Variants in KLHDC2 observed in about 807,000 individuals in gnomAD.
KLHDC2 encodes the protein kelch domain containing 2.
A neutral mutation model predicts 62.3 loss-of-function variants in KLHDC2; 38 were observed. That is an observed-to-expected ratio of 0.61 (90% confidence interval 0.47 to 0.80). The LOEUF (loss-of-function observed/expected upper bound fraction) is 0.80, where lower values mean the gene tolerates loss of function less well. Among genes scored for constraint, KLHDC2 ranks in the 30% least tolerant of loss-of-function variants. The pLI is 0.00. For missense variants in KLHDC2, 430 were observed against 495.3 expected, an observed-to-expected ratio of 0.87 and a Z score of 1.25; for synonymous variants, 159 against 161.0, an observed-to-expected ratio of 0.99 and a Z score of 0.09.
Position 49,779,772 on chromosome 14 carries a change from T to C in KLHDC2, c.739T>C (p.Tyr247His). The C allele has an allele frequency of 6.2e-7, 1 of 1,609,892 alleles. No individual in the cohort carries two copies. The highest frequency in any genetic ancestry group is 8.5e-7 in the Non-Finnish European group (1 of 1,177,180). The change falls in exon 8 of 13, where the codon TAT becomes CAT. Residue 247 changes from tyrosine to histidine, a missense_variant. Transcript: ENST00000298307. ...YRDARMNDLH[Y>H]LNLDTWEWNE... ...GGATGCTAGAATGAATGATCTTCAC[T>C]ATCTTAATCTGGATACATGGGAGTG...
chr14:49,783,766 A>C lies in KLHDC2; in HGVS notation c.*813A>C, dbSNP rs1890028268. Reference sequence around the variant, plus strand: ...TGAATCAGATTACAAGGAAAAAATTAAGATCAAACCTGAAGGTCTACAAAT... The same window carrying C: ...TGAATCAGATTACAAGGAAAAAATTCAGATCAAACCTGAAGGTCTACAAAT... On this transcript the variant is annotated 3_prime_UTR_variant, in exon 13 of 13. Transcript: ENST00000298307. The C allele has an allele frequency of 6.6e-6, 1 of 152,172 alleles. No homozygotes were observed. The highest frequency in any genetic ancestry group is 2.4e-5 in the African/African-American group (1 of 41,448). 9.4% of individuals were successfully genotyped at this position (152,172 alleles called of 1,614,324 possible).
intron 1 of KLHDC2, among the ~76,000 whole-genome samples, chr14:49,771,120 G>A (rs1021727174): frequency 3.9e-5 from 6 of 152,124 alleles, no homozygotes; most frequent in African/African-American, 1.2e-4. Flanking sequence ...AGGCTGAGGT[G>A]GGTGGATTGC....
At chr14:49,782,265 A>T in intron 10 of KLHDC2, 105 bp from the exon 11 acceptor site, 4 of 682,262 alleles carry the variant, frequency 5.9e-6, no homozygotes, top group Non-Finnish European at 1.0e-5. Flanking sequence ...TTTGGTCTGA[A>T]CTACCTTAAG....
At chr14:49,768,721 C>T (rs2139786208) in intron 1 of KLHDC2, 100 bp downstream of exon 1, 2 of 1,173,436 alleles carry the variant, frequency 1.7e-6, no homozygotes, top group East Asian at 3.0e-5. Context: ...CGAGGGCGCT[C>T]CCCGCCTGCG....
At chr14:49,778,125 A>G (rs1200101661) in intron 4 of KLHDC2, 53 bp from the exon 5 acceptor site, 1 of 1,229,902 alleles carries the variant, frequency 8.1e-7, no homozygotes, top group Non-Finnish European at 1.2e-6. Context: ...AACTGCTTGT[A>G]TCCTATCCTA....
At chr14:49,782,521 T>G in intron 11 of KLHDC2, 21 bp from the exon 12 acceptor site, 1 of 1,603,000 alleles carries the variant, frequency 6.2e-7, no homozygotes, top group Non-Finnish European at 8.5e-7. Flanking sequence ...TTTAAATGTG[T>G]TCTTCCTATT....
At chr14:49,769,575 A>G (rs1889618157) in intron 1 of KLHDC2, among the ~76,000 whole-genome samples, 1 of 152,162 alleles carries the variant, frequency 6.6e-6, no homozygotes, top group Non-Finnish European at 1.5e-5. Context: ...TTTAACTGCA[A>G]AAGTAATTTT....
Position 49,771,614 on chromosome 14 carries a change from A to G in KLHDC2, c.174A>G (p.Leu58=), listed in dbSNP as rs2139789869. 2 of 1,489,432 alleles carry G rather than the reference A, an allele frequency of 1.3e-6. No homozygotes were observed. The highest frequency in any genetic ancestry group is 2.3e-5 in the East Asian group (1 of 44,348). 92.3% of individuals were successfully genotyped at this position (1,489,432 alleles called of 1,614,324 possible). A position where few individuals can be genotyped will look rare whatever the true frequency, so the allele number is the denominator to read the frequency against. ...CTTAGAGTAATCAAGTCAGAGGATT[A>G]TATGACTTTTATCTGCCTAGAGAAG... ...GGYKSNQVRG[L]YDFYLPREEL... The change falls in exon 2 of 13, where the codon TTA becomes TTG. Residue 58 remains leucine, a synonymous_variant. Coordinates refer to ENST00000298307, the MANE Select transcript of KLHDC2 (RefSeq NM_014315.3).
chr14:49,769,782 CAA>C (rs5808513), intron 1 of KLHDC2, among the ~76,000 whole-genome samples: 17 of 150,524 alleles, frequency 1.1e-4, no homozygotes, highest in African/African-American at 1.7e-4. Flanking sequence ...ACTAAAAATA[CAA>C]AAAAAAAAAT....
intron 10 of KLHDC2, among the ~76,000 whole-genome samples, chr14:49,781,118 A>AT (rs1160290413): frequency 6.6e-6 from 1 of 152,116 alleles, no homozygotes; most frequent in Non-Finnish European, 1.5e-5. Context: ...CATGCCGGTA[A>AT]TCCCAGCACT....
At chr14:49,780,046 A>T (rs4488363) in intron 8 of KLHDC2, 167 bp from the exon 9 acceptor site, 613,538 of 620,656 alleles carry the variant, frequency 0.99, 303,595 homozygotes, top group East Asian at 1. Flanking sequence ...GTTGATTCTA[A>T]CGTCAAAGAA....
At chr14:49,780,087 C>A in intron 8 of KLHDC2, 126 bp from the exon 9 acceptor site, 1 of 669,004 alleles carries the variant, frequency 1.5e-6, no homozygotes, top group Non-Finnish European at 2.6e-6. Flanking sequence ...GTAGTTTATA[C>A]CAAGAAGCCT....
At position 49,768,595 on chromosome 14, in the gene KLHDC2, C is replaced by T. The variant is rs1594696407; in HGVS notation, c.127C>T (p.His43Tyr). 1 of 1,601,360 alleles carries T rather than the reference C, an allele frequency of 6.2e-7. No individual in the cohort carries two copies. Among genetic ancestry groups the T allele is most frequent in the Non-Finnish European group, 8.5e-7 (1 of 1,175,064 alleles). The part of the protein sequence containing the change: ...SGHVAVSDGR[H>Y]MFVWGGYKSN... ...CCACGTAGCCGTCAGCGACGGGCGC[C>T]ACATGTTCGTCTGGGGCGGCTACAA... Residue 43 changes from histidine (H) to tyrosine (Y), a missense_variant, in exon 1 of 13, where the codon CAC (histidine) becomes TAC (tyrosine). By Grantham distance (83) the His-to-Tyr change is moderately conservative. Coordinates refer to ENST00000298307, the MANE Select transcript of KLHDC2 (RefSeq NM_014315.3).
At chr14:49,768,766 G>GTTT (rs60013308) in intron 1 of KLHDC2, 145 bp downstream of exon 1, 11 of 608,944 alleles carry the variant, frequency 1.8e-5, no homozygotes, top group African/African-American at 1.4e-4. Context: ...CCCGTTGGTT[G>GTTT]TTTTTTTTTT....
At chr14:49,777,998 G>A (rs1566635974) in intron 4 of KLHDC2, 44 bp downstream of exon 4, 1 of 1,223,340 alleles carries the variant, frequency 8.2e-7, no homozygotes, top group East Asian at 2.3e-5. Flanking sequence ...TGTGTAAAGT[G>A]GTTTACCATT....
intron 1 of KLHDC2, among the ~76,000 whole-genome samples, chr14:49,771,194 C>A (rs1889656677): frequency 6.6e-6 from 1 of 152,008 alleles, no homozygotes; most frequent in African/African-American, 2.4e-5. Flanking sequence ...ACTAAAAATA[C>A]AAAAATTAGC....
At position 49,768,294 on chromosome 14, in the gene KLHDC2, C is replaced by A; in HGVS notation, c.-175C>A. 3.0e-6 allele frequency: 2 copies of A among 664,606 alleles called. No individual in the cohort carries two copies. Among genetic ancestry groups the A allele is most frequent in the Non-Finnish European group, 4.7e-6 (2 of 421,460 alleles). 41.2% of individuals were successfully genotyped at this position (664,606 alleles called of 1,614,324 possible). ...GCCCCGGCGGCGGCGGAGAGCCGTC[C>A]TCGGCCGAGGAGGCTGGGAAACGCG... is the stretch of plus-strand genomic sequence containing the variant. On this transcript the variant is annotated 5_prime_UTR_variant, in exon 1 of 13. Coordinates refer to ENST00000298307, the MANE Select transcript of KLHDC2 (RefSeq NM_014315.3).
At chr14:49,774,046 A>C (rs936174092) in intron 2 of KLHDC2, among the ~76,000 whole-genome samples, 1 of 152,246 alleles carries the variant, frequency 6.6e-6, no homozygotes, top group African/African-American at 2.4e-5. Context: ...GAATGAGTTA[A>C]TACATACAAA....
In KLHDC2 at chr14:49,768,264, G is replaced by A. The variant is rs1196150785; in HGVS notation, c.-205G>A. The A allele has an allele frequency of 5.8e-6, 3 of 515,820 alleles. No individual in the cohort carries two copies. The highest frequency in any genetic ancestry group is 9.9e-6 in the Non-Finnish European group (3 of 302,364). The allele number at this position is 515,820 out of a possible 1,614,324, so 32.0% of individuals were successfully genotyped here. On this transcript the variant is annotated 5_prime_UTR_variant, in exon 1 of 13. Coordinates refer to ENST00000298307, the MANE Select transcript of KLHDC2 (RefSeq NM_014315.3). ...TCCGCTCGCGGCCCCTCTGTCTGCA[G>A]GCGTGCCCCGGCGGCGGCGGAGAGC...
Sources: gnomAD v4.1 joint callset for allele counts (sites outside exome capture counted in the v4.1 genomes callset) on GRCh38, gnomAD v4.1.1 for gene constraint, MANE v1.5 for transcripts, NCBI Gene and HGNC (gene_info 2026-07-23, HGNC 2026-07-21) for gene names.